Variants in ACAP2 observed in about 807,000 individuals in gnomAD.
ACAP2 encodes the protein ArfGAP with coiled-coil, ankyrin repeat and PH domains 2, also known as arf-GAP with coiled-coil, ANK repeat and PH domain-containing protein 2.
Under a neutral mutation model 115.8 loss-of-function variants are expected in ACAP2, and 39 were observed. The observed-to-expected ratio is 0.34, with a 90% CI of 0.26 to 0.44. ACAP2 has a LOEUF of 0.44. Ranked by LOEUF, ACAP2 falls within the 20% of genes least tolerant of loss-of-function variation. The probability of loss-of-function intolerance (pLI) is 1.00; values close to 1 mark genes in which losing one functional copy is unlikely to be tolerated. For synonymous variants in ACAP2, 289 were observed against 315.8 expected, an observed-to-expected ratio of 0.92 and a Z score of 0.90; for missense variants, 662 against 927.6, an observed-to-expected ratio of 0.71 and a Z score of 3.72.
chr3:195,396,066 C>T (rs1711748284), intron 1 of ACAP2, among the ~76,000 whole-genome samples: 2 of 151,974 alleles, frequency 1.3e-5, no homozygotes, highest in Non-Finnish European at 2.9e-5. Context: ...GCCCAGCCAA[C>T]ATGGTGAAAC....
chr3:195,395,629 A>G (rs928892403), intron 1 of ACAP2, among the ~76,000 whole-genome samples: 1 of 152,252 alleles, frequency 6.6e-6, no homozygotes, highest in Non-Finnish European at 1.5e-5. Context: ...CTTCCACGCC[A>G]TGATGGCGTA....
chr3:195,354,307 C>T (rs923577749), intron 4 of ACAP2, among the ~76,000 whole-genome samples: 3 of 152,146 alleles, frequency 2.0e-5, no homozygotes, highest in African/African-American at 7.2e-5. Context: ...AATGAACATA[C>T]ACATACATAT....
chr3:195,441,184 A>C (rs1715967143), intron 1 of ACAP2, among the ~76,000 whole-genome samples: 1 of 152,172 alleles, frequency 6.6e-6, no homozygotes, highest in Admixed American at 6.5e-5. Flanking sequence ...TACATCTTCT[A>C]AGGGAAAAAT....
Position 195,294,764 on chromosome 3 carries a change from C to A in ACAP2, c.1720G>T (p.Glu574Ter), listed in dbSNP as rs1727537371. 3 of 1,610,668 alleles carry A rather than the reference C, an allele frequency of 1.9e-6. No individual in the cohort carries two copies. The highest frequency in any genetic ancestry group is 1.1e-5 in the South Asian group (1 of 90,970). The change falls in exon 18 of 23, where the codon GAA becomes TAA. Residue 574 changes from glutamate (E) to a stop codon, truncating the protein, a stop_gained. Coordinates refer to ENST00000326793, the MANE Select transcript of ACAP2 (RefSeq NM_012287.6). LOFTEE classifies it high-confidence loss of function. The stretch of plus-strand genomic sequence containing the variant: ...GCTGACACCGTGGAGGGTAAAGATT[C>A]TCTTCCATCATCAGAGCTCTGCTGA... ...GIQQSSDDGR[E>*]SLPSTVSANS...
intron 13 of ACAP2, among the ~76,000 whole-genome samples, chr3:195,306,271 T>G (rs1254160200): frequency 6.6e-6 from 1 of 152,184 alleles, no homozygotes; most frequent in Admixed American, 6.6e-5. Flanking sequence ...AAATACCTTA[T>G]TCCGATCTGG....
rs1371245536 is a variant in ACAP2 at position 195,345,297 on chromosome 3, C to T, written c.306G>A (p.Gln102=). ...NFHTILFDQT[Q]RSIKAQLQNF... is the part of the protein sequence containing the mutation. ...TCTGAAGCTGTGCCTTAATTGATCTCTGAGTTTGGTCAAACAGGATCTAAA... is the reference window on the plus strand; with the variant it reads ...TCTGAAGCTGTGCCTTAATTGATCTTTGAGTTTGGTCAAACAGGATCTAAA... Residue 102 remains glutamine, a synonymous_variant, in exon 5 of 23, where the codon CAG becomes CAA. Coordinates refer to ENST00000326793, the MANE Select transcript of ACAP2 (RefSeq NM_012287.6). 6.2e-7 allele frequency: 1 copy of T among 1,610,738 alleles called. No individual in the cohort carries two copies. Among genetic ancestry groups the T allele is most frequent in the Admixed American group, 1.7e-5 (1 of 59,910 alleles).
intron 1 of ACAP2, among the ~76,000 whole-genome samples, chr3:195,420,565 G>T (rs576475195): frequency 1.3e-5 from 2 of 151,934 alleles, no homozygotes; most frequent in East Asian, 3.9e-4. Flanking sequence ...AGATGGTCTC[G>T]ATCTCCTGAC....
Position 195,343,722 on chromosome 3 carries a change from G to T in ACAP2, c.345-1068C>A, listed in dbSNP as rs566420556. 5.3e-5 allele frequency among the ~76,000 whole-genome samples: 8 copies of T among 152,196 alleles called. No homozygotes were observed. In the South Asian group the frequency reaches 1.2e-3, roughly 24 times the overall value. ...ATAGTCTGAAAATCTGAAACACTTG[G>T]TTCATTAATGATCTTAGTCACATAA... On this transcript the variant is annotated intron_variant, in intron 5 of 22. Transcript: ENST00000326793.
chr3:195,353,103 T>C (rs561584889), intron 4 of ACAP2, among the ~76,000 whole-genome samples: 1 of 142,862 alleles, frequency 7.0e-6, no homozygotes, highest in Admixed American at 7.0e-5. Flanking sequence ...AAAAAAGGCA[T>C]TGGAGCTTCC....
intron 1 of ACAP2, among the ~76,000 whole-genome samples, chr3:195,398,244 T>C (rs932969586): frequency 6.6e-6 from 1 of 152,186 alleles, no homozygotes; most frequent in African/African-American, 2.4e-5. Flanking sequence ...AGAACCAACA[T>C]AGAATCAGTA....
At chr3:195,366,618 ACT>A (rs1732741044) in intron 4 of ACAP2, among the ~76,000 whole-genome samples, 2 of 152,298 alleles carry the variant, frequency 1.3e-5, no homozygotes, top group South Asian at 4.1e-4. Flanking sequence ...GAAACAATCC[ACT>A]GTTTCTTAAA....
intron 1 of ACAP2, among the ~76,000 whole-genome samples, chr3:195,421,979 C>T (rs1714228929): frequency 6.6e-6 from 1 of 152,092 alleles, no homozygotes; most frequent in African/African-American, 2.4e-5. Context: ...AACATTTCTG[C>T]TATTCTGTTA....
At chr3:195,293,904 C>T (rs377325595) in intron 18 of ACAP2, among the ~76,000 whole-genome samples, 64 of 149,568 alleles carry the variant, frequency 4.3e-4, no homozygotes, top group African/African-American at 1.6e-3. Context: ...GAGGCCGAGG[C>T]GGGTGGATCA....
intron 9 of ACAP2, among the ~76,000 whole-genome samples, chr3:195,321,494 A>C (rs1729450541): frequency 6.6e-6 from 1 of 151,926 alleles, no homozygotes; most frequent in Admixed American, 6.6e-5. Context: ...GATTACAGGC[A>C]TCACAACATT....
chr3:195,373,506 A>T (rs911038390), intron 4 of ACAP2, among the ~76,000 whole-genome samples: 1 of 152,232 alleles, frequency 6.6e-6, no homozygotes, highest in African/African-American at 2.4e-5. Context: ...GAATTCAAAC[A>T]GCTTGGGAGG....
rs191601570 is a variant in ACAP2, at chr3:195,351,153, T to G, written c.286-5836A>C. ...TTGGGCGGGGGACAGGGTCTTGCTC[T>G]GTCGCCCAGGCTGGAGTGCAGTGGT... On this transcript the variant is annotated intron_variant, in intron 4 of 22. Transcript: ENST00000326793. 5.0e-3 allele frequency among the ~76,000 whole-genome samples: 747 copies of G among 148,236 alleles called. 8 individuals carry two copies. Among genetic ancestry groups the G allele is most frequent in the African/African-American group, 0.015 (611 of 40,426 alleles).
chr3:195,404,098 T>C (rs1301611168), intron 1 of ACAP2, among the ~76,000 whole-genome samples: 1 of 152,128 alleles, frequency 6.6e-6, no homozygotes, highest in African/African-American at 2.4e-5. Flanking sequence ...CCCAGCTCTT[T>C]GGAAGGCTGA....
At chr3:195,379,007 A>ATT (rs1336337449) in intron 4 of ACAP2, among the ~76,000 whole-genome samples, 1 of 152,186 alleles carries the variant, frequency 6.6e-6, no homozygotes, top group Non-Finnish European at 1.5e-5. Flanking sequence ...TTCAAAGGAT[A>ATT]ATAAATTATA....
At chr3:195,352,348 G>A (rs1312245419) in intron 4 of ACAP2, among the ~76,000 whole-genome samples, 1 of 152,082 alleles carries the variant, frequency 6.6e-6, no homozygotes, top group African/African-American at 2.4e-5. Flanking sequence ...ACATTTCTCA[G>A]AATGTTTCAC....
Sources: allele counts gnomAD v4.1 joint callset (sites outside exome capture counted in the v4.1 genomes callset), GRCh38; gene constraint gnomAD v4.1.1; transcripts MANE v1.5; gene names NCBI Gene and HGNC (gene_info 2026-07-23, HGNC 2026-07-21).